FNIP1: variants seen among roughly 807,000 people sequenced by gnomAD.
The protein encoded by FNIP1 is folliculin-interacting protein 1.
Under a neutral mutation model 124.5 loss-of-function variants are expected in FNIP1, and 40 were observed. The observed-to-expected ratio is 0.32, with a 90% confidence interval of 0.25 to 0.42. The LOEUF is 0.42. Among genes scored for constraint, FNIP1 ranks in the 10% least tolerant of loss-of-function variants. FNIP1 has a pLI of 1.00. For synonymous variants in FNIP1, 472 were observed against 470.6 expected, an observed-to-expected ratio of 1.00 and a Z score of -0.04; for missense variants, 1,176 against 1,403.7, an observed-to-expected ratio of 0.84 and a Z score of 2.59.
At chr5:131,789,367 C>T (rs1356563886) in intron 1 of FNIP1, among the ~76,000 whole-genome samples, 2 of 152,104 alleles carry the variant, frequency 1.3e-5, no homozygotes, top group Non-Finnish European at 2.9e-5. Flanking sequence ...AAAAACAAAA[C>T]TTCTGAAACA....
intron 11 of FNIP1, among the ~76,000 whole-genome samples, chr5:131,691,148 T>A (rs1768466971): frequency 6.6e-6 from 1 of 152,160 alleles, no homozygotes; most frequent in African/African-American, 2.4e-5. Flanking sequence ...ATACAAATCA[T>A]ACAATGTATG....
At chr5:131,649,217 T>C (rs1353719979) in intron 16 of FNIP1, among the ~76,000 whole-genome samples, 2 of 152,174 alleles carry the variant, frequency 1.3e-5, no homozygotes, top group Non-Finnish European at 2.9e-5. Flanking sequence ...ATGTTAAACT[T>C]TTTGAGGAAC....
intron 3 of FNIP1, among the ~76,000 whole-genome samples, chr5:131,719,943 G>A (rs1769601741): frequency 6.6e-6 from 1 of 152,132 alleles, no homozygotes; most frequent in Non-Finnish European, 1.5e-5. Context: ...CTATGCCTAT[G>A]AAAATCCTAA....
intron 2 of FNIP1, among the ~76,000 whole-genome samples, chr5:131,733,792 T>A (rs1438179654): frequency 3.3e-5 from 5 of 152,188 alleles, no homozygotes; most frequent in African/African-American, 9.7e-5. Flanking sequence ...ACAATTCTCT[T>A]TTTTTGTTGT....
intron 1 of FNIP1, among the ~76,000 whole-genome samples, chr5:131,794,954 T>C (rs988124914): frequency 2.0e-5 from 3 of 152,246 alleles, no homozygotes; most frequent in African/African-American, 4.8e-5. Flanking sequence ...TACACAACTG[T>C]ATACGATGTA....
At chr5:131,657,403 A>AT (rs1262401319) in intron 15 of FNIP1, among the ~76,000 whole-genome samples, 1 of 152,120 alleles carries the variant, frequency 6.6e-6, no homozygotes, top group Non-Finnish European at 1.5e-5. Context: ...CCAGAACCCT[A>AT]TGAGTTTAAC....
chr5:131,714,321 TGG>T (rs1401153042), intron 6 of FNIP1, among the ~76,000 whole-genome samples: 1 of 152,228 alleles, frequency 6.6e-6, no homozygotes, highest in Non-Finnish European at 1.5e-5. Context: ...CACAATTCGA[TGG>T]GTCTCTCAGC....
chr5:131,662,718 T>G (rs1459215076), intron 15 of FNIP1, among the ~76,000 whole-genome samples: 1 of 150,834 alleles, frequency 6.6e-6, no homozygotes, highest in Admixed American at 6.7e-5. Flanking sequence ...TGAACTACCT[T>G]TGGAGATATT....
At chr5:131,782,144 T>C (rs1772015679) in intron 1 of FNIP1, among the ~76,000 whole-genome samples, 1 of 151,874 alleles carries the variant, frequency 6.6e-6, no homozygotes. Flanking sequence ...ACATGGAGAC[T>C]CTGTCTCTTA....
chr5:131,730,672 A>C (rs1331165181), intron 3 of FNIP1, among the ~76,000 whole-genome samples: 1 of 152,240 alleles, frequency 6.6e-6, no homozygotes, highest in Admixed American at 6.5e-5. Context: ...ATAAATCTGA[A>C]TTGGGAAATA....
chr5:131,672,546 A>C lies in FNIP1; in HGVS notation c.1898T>G (p.Ile633Ser). ...TAGCAGCTCCTTAGAGCTGTTTTGA[A>C]TATCTTCTCTCTCTTGTTGTGAAAT... ...ENISQQERED[I>S]QNSSKELLGI... The change falls in exon 14 of 18, where the codon ATT (isoleucine) becomes AGT (serine). Residue 633 changes from isoleucine to serine, a missense_variant. Transcript: ENST00000510461. 6.2e-7 allele frequency: 1 copy of C among 1,613,962 alleles called. No individual in the cohort carries two copies. Among genetic ancestry groups the C allele is most frequent in the South Asian group, 1.1e-5 (1 of 91,078 alleles).
chr5:131,670,750 G>A (rs945436892), intron 14 of FNIP1, 119 bp from the exon 15 acceptor site: 4 of 654,000 alleles, frequency 6.1e-6, no homozygotes, highest in Non-Finnish European at 4.8e-6. Flanking sequence ...TTAAAATCAA[G>A]TGTAAAATCA....
chr5:131,787,715 C>G (rs916775169), intron 1 of FNIP1, among the ~76,000 whole-genome samples: 4 of 152,172 alleles, frequency 2.6e-5, no homozygotes, highest in African/African-American at 9.7e-5. Flanking sequence ...GTGTAAAGCA[C>G]ATAAAACAGT....
chr5:131,707,102 A>C (rs1423802900), intron 8 of FNIP1, among the ~76,000 whole-genome samples: 1 of 152,208 alleles, frequency 6.6e-6, no homozygotes, highest in Non-Finnish European at 1.5e-5. Flanking sequence ...TAAGGTGACA[A>C]ACACATTCCA....
intron 13 of FNIP1, 31 bp downstream of exon 13, chr5:131,677,672 T>C (rs370831707): frequency 1.3e-6 from 2 of 1,581,702 alleles, no homozygotes; most frequent in African/African-American, 2.7e-5. Flanking sequence ...AAAAGTCTAA[T>C]ACATAGTGTA....
rs7730228 is a variant in FNIP1, at chr5:131,731,032, C to A, written c.226G>T (p.Gly76Cys). The change falls in exon 3 of 18, where the codon GGC becomes TGC. Residue 76 changes from glycine (G) to cysteine (C), a missense_variant. Physicochemically the swap from Gly to Cys is radical, Grantham distance 159. Coordinates refer to ENST00000510461, the MANE Select transcript of FNIP1 (RefSeq NM_133372.3). ...AAGACTTTAACTTGAGCATCACTGC[C>A]GAGTTTCTGAAATAACAGATATTTC... ...RNEDISVSKL[G>C]SDAQVKVFGK... 1 allele frequency: 1,603,550 copies of A among 1,610,750 alleles called. 798,209 individuals are homozygous for A. Among genetic ancestry groups the A allele is most frequent in the Middle Eastern group, 1 (6,040 of 6,040 alleles).
chr5:131,662,973 C>T (rs1767488057), intron 15 of FNIP1, among the ~76,000 whole-genome samples: 1 of 152,024 alleles, frequency 6.6e-6, no homozygotes, highest in African/African-American at 2.4e-5. Flanking sequence ...GAACTCCTGA[C>T]CTCAGGTGAT....
chr5:131,704,073 T>C lies in FNIP1; in HGVS notation c.1108A>G (p.Ile370Val), dbSNP rs778603219. ...ESHMNKLKSA[I>V]EQAMKMSRRS... is the part of the protein sequence containing the mutation. ...TAAATAACTATGCTTACCTGTTCTA[T>C]TGCACTCTTTAATTTGTTCATGTGG... The change falls in exon 10 of 18, where the codon ATA (isoleucine) becomes GTA (valine). Residue 370 changes from isoleucine (I) to valine (V), a missense_variant. Transcript: ENST00000510461. The C allele has an allele frequency of 5.8e-5, 93 of 1,606,096 alleles. No individual in the cohort carries two copies. Among genetic ancestry groups the C allele is most frequent in the South Asian group, 2.1e-4 (19 of 90,782 alleles).
intron 2 of FNIP1, among the ~76,000 whole-genome samples, chr5:131,735,009 C>T (rs113256507): frequency 0.022 from 3,393 of 152,208 alleles, 143 homozygotes; most frequent in African/African-American, 0.076. Flanking sequence ...CACATGCACA[C>T]GTATGTTTAT....
Sources: gnomAD v4.1 joint callset for allele counts (sites outside exome capture counted in the v4.1 genomes callset) on GRCh38, gnomAD v4.1.1 for gene constraint, MANE v1.5 for transcripts, NCBI Gene and HGNC (gene_info 2026-07-23, HGNC 2026-07-21) for gene names.